The following SYT2 variants were observed in gnomAD, a reference collection of about 807,000 sequenced individuals.
SYT2 encodes the protein synaptotagmin-2.
SYT2 carries 15 observed loss-of-function variants against 39.9 expected under a neutral mutation model. That is an observed-to-expected ratio of 0.38 (90% CI 0.25 to 0.58). The LOEUF (loss-of-function observed/expected upper bound fraction) is 0.58. SYT2 is among the 20% of genes least tolerant of loss of function. The pLI is 0.70. For synonymous variants in SYT2, 181 were observed against 204.5 expected, an observed-to-expected ratio of 0.89 and a Z score of 0.98; for missense variants, 389 against 530.3, an observed-to-expected ratio of 0.73 and a Z score of 2.62.
intron 1 of SYT2, among the ~76,000 whole-genome samples, chr1:202,691,694 A>G (rs1187317728): frequency 6.8e-5 from 2 of 29,538 alleles, no homozygotes; most frequent in African/African-American, 9.0e-5. Flanking sequence ...GGGGAGAGGG[A>G]GAGGGAGAGG....
intron 1 of SYT2, among the ~76,000 whole-genome samples, chr1:202,637,258 G>T (rs965180494): frequency 3.3e-5 from 5 of 151,546 alleles, no homozygotes; most frequent in Non-Finnish European, 7.4e-5. Context: ...TGCTGAGGTG[G>T]GAGGATCACC....
chr1:202,707,760 A>G (rs1392151385), intron 1 of SYT2, among the ~76,000 whole-genome samples: 2 of 152,222 alleles, frequency 1.3e-5, no homozygotes, highest in Non-Finnish European at 2.9e-5. Flanking sequence ...CCATTGAGAT[A>G]TGATAATGTT....
At position 202,605,742 on chromosome 1, in the gene SYT2, G is replaced by A. The variant is rs748672889; in HGVS notation, c.31C>T (p.Pro11Ser). The stretch of plus-strand genomic sequence containing the variant: ...GTGGTGGTGGCAGGAGCCACAATAG[G>A]CTCCTGGTTCCTCTTGAAAATGTTC... MRNIFKRNQE[P>S]IVAPATTTAT... The change falls in exon 2 of 9, where the codon CCT becomes TCT. Residue 11 changes from proline to serine, a missense_variant. This residue lies in a region of SYT2 where 280 missense variants were observed against 335.6 expected (regional missense o/e 0.83). Transcript: ENST00000367268. 2.8e-5 allele frequency: 46 copies of A among 1,614,102 alleles called. No homozygotes were observed. In the South Asian group the frequency reaches 3.0e-4, roughly 10 times the overall value.
At chr1:202,674,261 G>C (rs889927488) in intron 1 of SYT2, among the ~76,000 whole-genome samples, 1 of 151,996 alleles carries the variant, frequency 6.6e-6, no homozygotes, top group Non-Finnish European at 1.5e-5. Flanking sequence ...ACCACCACGT[G>C]CAGCTAATTT....
chr1:202,663,514 C>T (rs1023215621), intron 1 of SYT2, among the ~76,000 whole-genome samples: 4 of 152,206 alleles, frequency 2.6e-5, no homozygotes, highest in African/African-American at 7.2e-5. Context: ...CACTCCACTT[C>T]GAAACCTCAG....
rs1195923995 is a variant in SYT2 at position 202,596,819 on chromosome 1, C to T, written c.1198G>A (p.Ala400Thr). The T allele has an allele frequency of 1.2e-6, 2 of 1,614,160 alleles. No homozygotes were observed. The highest frequency in any genetic ancestry group is 1.7e-5 in the Admixed American group (1 of 60,012). ...DMLANPRRPI[A>T]QWHSLKPEEE... ...TCAGGCTTGAGCGAGTGCCACTGGG[C>T]GATGGGCCTCCGGGGGTTGGCCAGC... Residue 400 changes from alanine (A) to threonine (T), a missense_variant, in exon 9 of 9, where the codon GCC becomes ACC. By Grantham distance (58) the Ala-to-Thr change is moderately conservative (BLOSUM62 0). This residue lies in a region of SYT2 where 84 missense variants were observed against 123.1 expected (regional missense o/e 0.68). Transcript: ENST00000367268.
At chr1:202,625,631 C>A (rs1691380465) in intron 1 of SYT2, among the ~76,000 whole-genome samples, 1 of 152,034 alleles carries the variant, frequency 6.6e-6, no homozygotes. Flanking sequence ...GAGGCTGCCG[C>A]CTGCCTCCAG....
At chr1:202,598,389 T>C (rs1008212458) in intron 8 of SYT2, among the ~76,000 whole-genome samples, 82 of 152,200 alleles carry the variant, frequency 5.4e-4, no homozygotes, top group Admixed American at 7.2e-4. Context: ...AATGAGGACT[T>C]CTCTTGGATT....
intron 1 of SYT2, among the ~76,000 whole-genome samples, chr1:202,707,802 A>C (rs76918716): frequency 1.9e-3 from 289 of 152,352 alleles, no homozygotes; most frequent in Non-Finnish European, 3.4e-3. Context: ...ACTAGAGGTC[A>C]GGCTTGCCTA....
At chr1:202,705,282 G>A (rs777711388) in intron 1 of SYT2, among the ~76,000 whole-genome samples, 6 of 152,206 alleles carry the variant, frequency 3.9e-5, no homozygotes, top group African/African-American at 1.4e-4. Flanking sequence ...CAGCGATGGC[G>A]TAGCCGAGGA....
intron 3 of SYT2, chr1:202,604,134 G>A (rs1558424922): frequency 3.7e-6 from 1 of 269,734 alleles, no homozygotes. Flanking sequence ...GGAAAACACA[G>A]GGTTAACTGA....
At chr1:202,694,003 T>A (rs1198751669) in intron 1 of SYT2, among the ~76,000 whole-genome samples, 3 of 152,080 alleles carry the variant, frequency 2.0e-5, no homozygotes, top group Non-Finnish European at 4.4e-5. Context: ...CTTTTAAACA[T>A]CCAGATCTCT....
chr1:202,596,449 C>A lies in SYT2; in HGVS notation c.*308G>T. ...GCTGCAAGTTTGTGCCAGTAGAGAGCCTCGCTTGGGGTGAGGCAGATGTGA... is the reference window on the plus strand; with the variant it reads ...GCTGCAAGTTTGTGCCAGTAGAGAGACTCGCTTGGGGTGAGGCAGATGTGA... On this transcript the variant is annotated 3_prime_UTR_variant, in exon 9 of 9. Coordinates refer to ENST00000367268, the MANE Select transcript of SYT2 (RefSeq NM_177402.5). The A allele has an allele frequency of 3.6e-6, 1 of 274,242 alleles. No homozygotes were observed. The highest frequency in any genetic ancestry group is 6.9e-6 in the Non-Finnish European group (1 of 145,078). The allele number at this position is 274,242 out of a possible 1,614,324, so 17.0% of individuals were successfully genotyped here.
chr1:202,597,244 T>C (rs1339232112), intron 8 of SYT2, among the ~76,000 whole-genome samples: 1 of 152,178 alleles, frequency 6.6e-6, no homozygotes. Flanking sequence ...AGTGAAAAGA[T>C]GAATTTCACT....
At chr1:202,689,841 C>T (rs1055450539) in intron 1 of SYT2, among the ~76,000 whole-genome samples, 12 of 151,940 alleles carry the variant, frequency 7.9e-5, no homozygotes, top group Admixed American at 2.6e-4. Flanking sequence ...AGTCAGGTCC[C>T]GGAATTAAGG....
chr1:202,690,273 A>C (rs1442771272), intron 1 of SYT2, among the ~76,000 whole-genome samples: 3 of 152,210 alleles, frequency 2.0e-5, no homozygotes, highest in African/African-American at 7.2e-5. Flanking sequence ...TGAGCCTGGG[A>C]CATAGGAACC....
chr1:202,629,238 C>G (rs1691500869), intron 1 of SYT2, among the ~76,000 whole-genome samples: 1 of 152,184 alleles, frequency 6.6e-6, no homozygotes, highest in South Asian at 2.1e-4. Flanking sequence ...GCCCAGATGG[C>G]CTTCTTGATG....
intron 1 of SYT2, among the ~76,000 whole-genome samples, chr1:202,698,752 G>A (rs1422095503): frequency 6.6e-6 from 1 of 152,182 alleles, no homozygotes; most frequent in African/African-American, 2.4e-5. Flanking sequence ...GAAGAATGTG[G>A]CTAGACACAA....
intron 1 of SYT2, among the ~76,000 whole-genome samples, chr1:202,705,620 T>C (rs1654228494): frequency 6.6e-6 from 1 of 151,792 alleles, no homozygotes. Flanking sequence ...GAATCTAACC[T>C]CCTCCCTGGC....
Sources: allele counts gnomAD v4.1 joint callset (sites outside exome capture counted in the v4.1 genomes callset), GRCh38; gene constraint gnomAD v4.1.1; regional missense constraint gnomAD v4.1.1; transcripts MANE v1.5; gene names NCBI Gene and HGNC (gene_info 2026-07-23, HGNC 2026-07-21).